The following AFAP1 variants were observed in gnomAD, a reference collection of about 807,000 sequenced individuals.
AFAP1 encodes actin filament-associated protein 1.
Under a neutral mutation model 93.9 loss-of-function variants are expected in AFAP1, and 75 were observed. The ratio of observed to expected loss-of-function variants is 0.80; its 90% CI spans 0.66 to 0.97. AFAP1 has a LOEUF of 0.97. Among genes scored for constraint, AFAP1 ranks in the 50% least tolerant of loss-of-function variants. The probability of loss-of-function intolerance (pLI) is 0.00; values close to 1 mark genes in which losing one functional copy is unlikely to be tolerated. For synonymous variants in AFAP1, 517 were observed against 430.7 expected (o/e 1.20, Z -2.48); for missense variants, 1,201 against 1,050.8 (o/e 1.14, Z -1.98).
At chr4:7,893,302 T>C (rs1028486245) in intron 1 of AFAP1, among the ~76,000 whole-genome samples, 2 of 152,280 alleles carry the variant, frequency 1.3e-5, no homozygotes, top group African/African-American at 4.8e-5. Context: ...AAGGATTGGC[T>C]GGGTGCGGTG....
At chr4:7,890,004 T>TAAAAAA (rs543991662) in intron 1 of AFAP1, among the ~76,000 whole-genome samples, 31 of 100,294 alleles carry the variant, frequency 3.1e-4, no homozygotes, top group African/African-American at 5.5e-4. Context: ...CAATTTTTGT[T>TAAAAAA]AAAAAAAAAA....
intron 4 of AFAP1, among the ~76,000 whole-genome samples, chr4:7,853,122 C>G (rs1714649769): frequency 1.3e-5 from 2 of 152,248 alleles, no homozygotes; most frequent in South Asian, 4.1e-4. Flanking sequence ...ATCAGCCTAG[C>G]AAGGCTGGAA....
intron 1 of AFAP1, among the ~76,000 whole-genome samples, chr4:7,928,668 G>A (rs1053887116): frequency 2.6e-5 from 4 of 152,206 alleles, no homozygotes; most frequent in South Asian, 2.1e-4. Flanking sequence ...TTACAGGCGT[G>A]AGCCACCACG....
chr4:7,854,163 G>A (rs1026578543), intron 4 of AFAP1, among the ~76,000 whole-genome samples: 6 of 152,172 alleles, frequency 3.9e-5, no homozygotes, highest in South Asian at 2.1e-4. Context: ...ACCCAATGAC[G>A]TTCTGAGTTA....
At chr4:7,859,291 C>T (rs892629121) in intron 3 of AFAP1, among the ~76,000 whole-genome samples, 2 of 152,042 alleles carry the variant, frequency 1.3e-5, no homozygotes, top group Non-Finnish European at 2.9e-5. Flanking sequence ...TGGTGGTGGG[C>T]ACCTGTAATC....
intron 6 of AFAP1, among the ~76,000 whole-genome samples, chr4:7,831,565 G>T (rs941369465): frequency 6.6e-6 from 1 of 152,114 alleles, no homozygotes; most frequent in African/African-American, 2.4e-5. Flanking sequence ...TGTTTTTACT[G>T]GTCTGTTTGT....
At chr4:7,798,650 A>G (rs1182213529) in intron 10 of AFAP1, among the ~76,000 whole-genome samples, 1 of 152,204 alleles carries the variant, frequency 6.6e-6, no homozygotes, top group East Asian at 1.9e-4. Flanking sequence ...CATTCAGGAA[A>G]CTGCGTCTAC....
chr4:7,867,547 T>G (rs553845437), intron 3 of AFAP1, among the ~76,000 whole-genome samples: 1 of 152,326 alleles, frequency 6.6e-6, no homozygotes, highest in African/African-American at 2.4e-5. Flanking sequence ...ACCTCTGAAC[T>G]AGTATTGTTG....
At chr4:7,860,391 T>C (rs145890979) in intron 3 of AFAP1, among the ~76,000 whole-genome samples, 1 of 152,234 alleles carries the variant, frequency 6.6e-6, no homozygotes, top group Non-Finnish European at 1.5e-5. Flanking sequence ...CAAAACTTTT[T>C]TTAGCACTGA....
At position 7,768,836 on chromosome 4, in the gene AFAP1, G is replaced by C. The variant is rs746578639; in HGVS notation, c.2418+8C>G. ...GACACCCAGACACCCCCGGACATCA[G>C]GGCTTACCTTGGCCTTCCGCAGCAC... On this transcript the variant is annotated splice_region_variant and intron_variant, in intron 17 of 17. Coordinates refer to ENST00000420658, the MANE Select transcript of AFAP1 (RefSeq NM_001134647.2). 10 of 1,584,652 alleles carry C rather than the reference G, an allele frequency of 6.3e-6. No homozygotes were observed. Among genetic ancestry groups the C allele is most frequent in the Non-Finnish European group, 8.6e-6 (10 of 1,160,074 alleles).
chr4:7,824,424 T>TACAC (rs10660353), intron 6 of AFAP1, among the ~76,000 whole-genome samples: 35,700 of 150,492 alleles, frequency 0.24, 4,510 homozygotes, highest in Non-Finnish European at 0.3. Context: ...AGCATTTGTG[T>TACAC]ACACACACAC....
At chr4:7,824,680 T>C (rs533685913) in intron 6 of AFAP1, among the ~76,000 whole-genome samples, 10 of 152,292 alleles carry the variant, frequency 6.6e-5, no homozygotes, top group African/African-American at 1.9e-4. Context: ...TTCTCACTCA[T>C]GTGGGTGCTA....
chr4:7,792,664 G>A (rs1158729406), intron 11 of AFAP1, among the ~76,000 whole-genome samples: 1 of 152,084 alleles, frequency 6.6e-6, no homozygotes, highest in East Asian at 1.9e-4. Flanking sequence ...TTCCTCAACA[G>A]GACCACTGTC....
intron 17 of AFAP1, among the ~76,000 whole-genome samples, chr4:7,768,194 C>T (rs1714894132): frequency 6.6e-6 from 1 of 152,270 alleles, no homozygotes; most frequent in South Asian, 2.1e-4. Context: ...CCAGCTCACA[C>T]CATCGCACTC....
chr4:7,876,231 A>C (rs1480264118), intron 1 of AFAP1, among the ~76,000 whole-genome samples: 1 of 152,182 alleles, frequency 6.6e-6, no homozygotes, highest in Non-Finnish European at 1.5e-5. Context: ...AACCCTCCAG[A>C]GCCTGGGAGT....
intron 1 of AFAP1, among the ~76,000 whole-genome samples, chr4:7,934,807 G>C (rs941995827): frequency 2.0e-5 from 3 of 152,130 alleles, no homozygotes; most frequent in African/African-American, 7.2e-5. Flanking sequence ...CTCAAGACAG[G>C]GCACTTAGAA....
At chr4:7,764,563 GTTTAT>G (rs1714285853) in intron 17 of AFAP1, among the ~76,000 whole-genome samples, 1 of 152,148 alleles carries the variant, frequency 6.6e-6, no homozygotes, top group Non-Finnish European at 1.5e-5. Context: ...TTTACATCGT[GTTTAT>G]TTTACTCTAA....
At chr4:7,840,951 A>C (rs1245322762) in intron 5 of AFAP1, among the ~76,000 whole-genome samples, 1 of 152,230 alleles carries the variant, frequency 6.6e-6, no homozygotes, top group Non-Finnish European at 1.5e-5. Flanking sequence ...CAGATCAGAT[A>C]ATTAGCAAAC....
intron 6 of AFAP1, among the ~76,000 whole-genome samples, chr4:7,829,315 T>C (rs1385870095): frequency 6.6e-6 from 1 of 152,266 alleles, no homozygotes; most frequent in African/African-American, 2.4e-5. Context: ...GAAGCAATTA[T>C]AAAAATCAAG....
Sources: allele counts gnomAD v4.1 joint callset (sites outside exome capture counted in the v4.1 genomes callset), GRCh38; gene constraint gnomAD v4.1.1; transcripts MANE v1.5; gene names NCBI Gene and HGNC (gene_info 2026-07-23, HGNC 2026-07-21).